Variants in APC observed in about 807,000 individuals in gnomAD.
The protein encoded by APC is APC regulator of Wnt signaling pathway, also known as adenomatous polyposis coli protein.
In APC, 72 loss-of-function variants were observed where a neutral mutation model predicts 247.0. That is an observed-to-expected ratio of 0.29 (90% confidence interval 0.24 to 0.35). APC has a LOEUF of 0.35. Ranked by LOEUF, APC falls within the 10% of genes least tolerant of loss-of-function variation. The probability of loss-of-function intolerance (pLI) is 1.00; values close to 1 mark genes in which losing one functional copy is unlikely to be tolerated. For missense variants in APC, 3,400 were observed against 3,360.7 expected (o/e 1.01, Z -0.29); for synonymous variants, 1,254 against 1,162.5 (o/e 1.08, Z -1.60).
intron 1 of APC, among the ~76,000 whole-genome samples, chr5:112,708,259 C>G (rs543678077): frequency 3.9e-5 from 6 of 152,328 alleles, no homozygotes; most frequent in African/African-American, 1.2e-4. Context: ...TTTAAACTCT[C>G]TGCCTGGGAA....
At chr5:112,777,552 C>T (rs1319347020) in intron 5 of APC, 1 of 163,224 alleles carries the variant, frequency 6.1e-6, no homozygotes, top group Non-Finnish European at 1.5e-5. Context: ...TCAAAACAAA[C>T]ATACCAAACT....
At chr5:112,733,428 TGA>T (rs1752197149), upstream of APC, among the ~76,000 whole-genome samples, 1 of 151,946 alleles carries the variant, frequency 6.6e-6, no homozygotes, top group South Asian at 2.1e-4. Context: ...GGCAGAAAAA[TGA>T]GAGTCAGAGA....
At chr5:112,731,457 G>A (rs907724827) in intron 1 of APC, among the ~76,000 whole-genome samples, 2 of 152,164 alleles carry the variant, frequency 1.3e-5, no homozygotes, top group Non-Finnish European at 2.9e-5. Flanking sequence ...GCCAGAGCAA[G>A]CAAGGGATCA....
intron 6 of APC, among the ~76,000 whole-genome samples, chr5:112,787,908 C>G (rs1759145508): frequency 6.6e-6 from 1 of 152,062 alleles, no homozygotes; most frequent in African/African-American, 2.4e-5. Context: ...AGGAATCTAA[C>G]TTATATGTAT....
intron 1 of APC, among the ~76,000 whole-genome samples, chr5:112,725,559 G>T (rs182524811): frequency 1.6e-3 from 247 of 151,874 alleles, no homozygotes; most frequent in African/African-American, 5.7e-3. Flanking sequence ...TTTGAGACCA[G>T]CCGGGGCAAC....
rs779413228 is a variant in APC at position 112,841,830 on chromosome 5, A to C, written c.6236A>C (p.Asp2079Ala). ...GGILGEDLTLDLKDIQRPDSE... is the reference protein window; with the variant it reads ...GGILGEDLTLALKDIQRPDSE... ...ATATTAGGTGAAGATCTGACACTTG[A>C]TTTGAAAGATATACAGAGACCAGAT... Residue 2079 changes from aspartate to alanine, a missense_variant, in exon 16 of 16, where the codon GAT becomes GCT. Physicochemically the swap from Asp to Ala is moderately radical, Grantham distance 126 (BLOSUM62 -2). Transcript: ENST00000257430. The surrounding 1 kb of genome is among the most constrained non-coding windows in gnomAD (Gnocchi z 4.6). 5.0e-6 allele frequency: 8 copies of C among 1,613,858 alleles called. No individual in the cohort carries two copies. In the African/African-American group the frequency reaches 8.0e-5, roughly 16 times the overall value.
At chr5:112,836,425 T>G (rs1048954851) in intron 15 of APC, among the ~76,000 whole-genome samples, 4 of 152,146 alleles carry the variant, frequency 2.6e-5, no homozygotes, top group African/African-American at 9.7e-5. Context: ...CAGAGAAGAT[T>G]TCTTAAGTCC....
At chr5:112,758,537 G>A (rs1306151868) in intron 2 of APC, among the ~76,000 whole-genome samples, 1 of 152,128 alleles carries the variant, frequency 6.6e-6, no homozygotes, top group Non-Finnish European at 1.5e-5. Flanking sequence ...ATGTTGGCTA[G>A]GCTGGTCTCG....
At chr5:112,827,402 T>C (rs1053434476) in intron 12 of APC, among the ~76,000 whole-genome samples, 155 bp downstream of exon 12, 4 of 152,228 alleles carry the variant, frequency 2.6e-5, no homozygotes, top group African/African-American at 9.6e-5. Context: ...TCTTTACTCA[T>C]TTGTTTGTCT....
intron 1 of APC, among the ~76,000 whole-genome samples, chr5:112,717,501 G>C (rs1459469396): frequency 6.6e-6 from 1 of 152,046 alleles, no homozygotes; most frequent in Non-Finnish European, 1.5e-5. Context: ...ATGTCCTTTA[G>C]TCTGCTTGAA....
At chr5:112,832,884 G>A (rs1764443008) in intron 14 of APC, among the ~76,000 whole-genome samples, 1 of 152,076 alleles carries the variant, frequency 6.6e-6, no homozygotes, top group African/African-American at 2.4e-5. Flanking sequence ...TTCAATCACT[G>A]GTATCAGTTT....
rs777188684 is a variant in APC, at chr5:112,707,739, G to A, written c.22G>A (p.Gly8Ser). Residue 8 changes from glycine to serine, a missense_variant, in exon 1 of 14, where the codon GGT (glycine) becomes AGT (serine). Physicochemically the swap from Gly to Ser is moderately conservative, Grantham distance 56 (BLOSUM62 0). Coordinates refer to the APC transcript ENST00000507379. ...CCCTATGTACGCCTCCCTGGGCTCGGGTCCGGTCGCCCCTTTGCCCGCTTC... is the reference window on the plus strand; with the variant it reads ...CCCTATGTACGCCTCCCTGGGCTCGAGTCCGGTCGCCCCTTTGCCCGCTTC... 2.6e-5 allele frequency: 35 copies of A among 1,370,666 alleles called. 1 individual carries two copies. In the South Asian group the frequency reaches 4.2e-4, roughly 16 times the overall value. 84.9% of individuals were successfully genotyped at this position (1,370,666 alleles called of 1,614,324 possible).
intron 2 of APC, among the ~76,000 whole-genome samples, chr5:112,761,595 G>A (rs1755678611): frequency 6.6e-6 from 1 of 152,076 alleles, no homozygotes; most frequent in South Asian, 2.1e-4. Context: ...TCAAACTGAA[G>A]CACAGAGAAA....
chr5:112,715,131 C>T (rs1321079640), intron 1 of APC, among the ~76,000 whole-genome samples: 1 of 152,150 alleles, frequency 6.6e-6, no homozygotes, highest in African/African-American at 2.4e-5. Flanking sequence ...AGTATGAATT[C>T]GTTTGAAAGC....
At chr5:112,815,909 G>A (rs907230444) in intron 9 of APC, among the ~76,000 whole-genome samples, 4 of 152,208 alleles carry the variant, frequency 2.6e-5, no homozygotes, top group Non-Finnish European at 1.5e-5. Flanking sequence ...TTCTAGTGGA[G>A]AATTCTGATT....
chr5:112,786,753 TAAAC>T (rs1758994748), intron 6 of APC, among the ~76,000 whole-genome samples: 2 of 152,342 alleles, frequency 1.3e-5, no homozygotes, highest in South Asian at 2.1e-4. Flanking sequence ...TCATGTCTTG[TAAAC>T]AAACATGCAA....
Position 112,710,074 on chromosome 5 carries a change from G to T in APC, c.165+2192G>T, listed in dbSNP as rs149772492. Among the ~76,000 whole-genome samples the T allele has an allele frequency of 3.4e-3, 522 of 152,190 alleles. 1 individual carries two copies. The highest frequency in any genetic ancestry group is 0.011 in the African/African-American group (472 of 41,502). ...TGTAACCAGGATCCCATGATCATCA[G>T]CTTTTACTAAGCTCCTATTGATGGC... On this transcript the variant is annotated intron_variant, in intron 1 of 13. Transcript: ENST00000507379.
chr5:112,819,415 G>T (rs1425538337), intron 10 of APC, 71 bp downstream of exon 10: 49 of 1,591,096 alleles, frequency 3.1e-5, no homozygotes, highest in Non-Finnish European at 4.0e-5. Flanking sequence ...CAGAAAACAT[G>T]TTTAGTTAAT....
intron 1 of APC, among the ~76,000 whole-genome samples, chr5:112,721,741 A>G (rs750346888): frequency 1.5e-4 from 23 of 149,834 alleles, no homozygotes; most frequent in South Asian, 1.3e-3. Flanking sequence ...TGATAATTGG[A>G]TGCAAGGAGC....
Sources: allele counts gnomAD v4.1 joint callset (sites outside exome capture counted in the v4.1 genomes callset), GRCh38; gene constraint gnomAD v4.1.1; non-coding constraint Gnocchi (gnomAD v3.1); transcripts MANE v1.5; gene names NCBI Gene and HGNC (gene_info 2026-07-23, HGNC 2026-07-21).